The following LRBA variants were observed in gnomAD, a reference collection of about 807,000 sequenced individuals.
The protein encoded by LRBA is LPS responsive beige-like anchor protein, also known as lipopolysaccharide-responsive and beige-like anchor protein.
LRBA carries 176 observed loss-of-function variants against 330.0 expected under a neutral mutation model. The observed-to-expected ratio is 0.53, with a 90% CI of 0.47 to 0.60. The LOEUF is 0.60. LRBA is among the 20% of genes least tolerant of loss of function. The pLI is 0.00. For synonymous variants in LRBA, 1,230 were observed against 1,193.0 expected (o/e 1.03, Z -0.64); for missense variants, 3,259 against 3,444.8 (o/e 0.95, Z 1.35).
chr4:150,489,025 AATAT>A (rs1169167207), intron 41 of LRBA, among the ~76,000 whole-genome samples: 1 of 115,040 alleles, frequency 8.7e-6, no homozygotes, highest in Non-Finnish European at 1.7e-5. Flanking sequence ...TATATATAAG[AATAT>A]ATATTATATA....
chr4:150,471,790 A>T (rs942542773), intron 42 of LRBA, 51 bp from the exon 43 acceptor site: 1 of 850,820 alleles, frequency 1.2e-6, no homozygotes, highest in Non-Finnish European at 2.0e-6. Flanking sequence ...CACAATAATA[A>T]ATCATGAATT....
At chr4:150,650,383 CA>C (rs751224410) in intron 37 of LRBA, among the ~76,000 whole-genome samples, 2 of 152,094 alleles carry the variant, frequency 1.3e-5, no homozygotes, top group Non-Finnish European at 2.9e-5. Context: ...ACCAAGAAAA[CA>C]TTCTATTTTT....
At chr4:150,337,747 C>T (rs111620234) in intron 48 of LRBA, among the ~76,000 whole-genome samples, 1,564 of 152,150 alleles carry the variant, frequency 0.01, 23 homozygotes, top group African/African-American at 0.036. Context: ...TACTATATTG[C>T]TACAACCACT....
intron 52 of LRBA, among the ~76,000 whole-genome samples, chr4:150,306,105 C>T (rs1730320261): frequency 6.6e-6 from 1 of 152,162 alleles, no homozygotes; most frequent in Non-Finnish European, 1.5e-5. Context: ...AAGCTCAGGA[C>T]TCTGCACCAC....
chr4:150,867,571 T>C (rs1267623276), intron 22 of LRBA, 100 bp downstream of exon 22: 3 of 898,812 alleles, frequency 3.3e-6, no homozygotes, highest in East Asian at 3.0e-5. Flanking sequence ...ATAACTTGCC[T>C]TTTTTCCTTG....
chr4:150,619,760 A>G (rs925718016), intron 37 of LRBA, among the ~76,000 whole-genome samples: 2 of 152,180 alleles, frequency 1.3e-5, no homozygotes, highest in Non-Finnish European at 1.5e-5. Flanking sequence ...CACAAGAAGA[A>G]GCAACTAGTA....
intron 2 of LRBA, among the ~76,000 whole-genome samples, chr4:150,990,641 T>G (rs536829978): frequency 6.6e-6 from 1 of 151,696 alleles, no homozygotes; most frequent in East Asian, 1.9e-4. Context: ...GAGGCTGAGG[T>G]TGGAGGATCA....
Position 150,906,277 on chromosome 4 carries a change from TA to T in LRBA, c.1602+19del. 1.4e-6 allele frequency: 2 copies of T among 1,442,676 alleles called. No homozygotes were observed. The highest frequency in any genetic ancestry group is 1.9e-6 in the Non-Finnish European group (2 of 1,033,028). The allele number at this position is 1,442,676 out of a possible 1,614,324, so 89.4% of individuals were successfully genotyped here. A position where few individuals can be genotyped will look rare whatever the true frequency, so the allele number is the denominator to read the frequency against. On this transcript the variant is annotated intron_variant, in intron 12 of 56. Coordinates refer to ENST00000651943, the MANE Select transcript of LRBA (RefSeq NM_001364905.1). ...GCCTGTAAATTAAGAATCAAAAACA[TA>T]AAATATTTCATACTTTACCTTTTCA...
intron 22 of LRBA, among the ~76,000 whole-genome samples, chr4:150,853,228 C>T (rs1750823242): frequency 6.6e-6 from 1 of 152,138 alleles, no homozygotes. Flanking sequence ...AAAGGATACA[C>T]TATTCTACTG....
intron 2 of LRBA, among the ~76,000 whole-genome samples, chr4:151,000,534 T>G (rs1040391729): frequency 1.3e-5 from 2 of 152,190 alleles, no homozygotes; most frequent in African/African-American, 4.8e-5. Flanking sequence ...ACAGTCAATC[T>G]GATCGTGGAG....
rs1209251306 is a variant in LRBA at position 150,797,987 on chromosome 4, C to CA, written c.5580+93_5580+94insT. The CA allele has an allele frequency of 6.5e-6, 5 of 773,516 alleles. No individual in the cohort carries two copies. The Admixed American group carries it at 1.1e-4, about 18-fold the overall frequency. 47.9% of individuals were successfully genotyped at this position (773,516 alleles called of 1,614,324 possible). On this transcript the variant is annotated intron_variant, in intron 34 of 56. Transcript: ENST00000651943. ...ACAGCAAACTCACAATTTTATTATA[C>CA]CAAAAATTTCAGTAATGCAAATATA...
intron 37 of LRBA, among the ~76,000 whole-genome samples, chr4:150,647,726 T>C (rs999907772): frequency 9.9e-5 from 15 of 151,978 alleles, no homozygotes; most frequent in African/African-American, 3.4e-4. Flanking sequence ...CAACTCAAAG[T>C]TCCTTAAAGA....
intron 17 of LRBA, among the ~76,000 whole-genome samples, chr4:150,881,645 A>G (rs939447201): frequency 5.3e-5 from 8 of 152,220 alleles, no homozygotes; most frequent in Non-Finnish European, 1.2e-4. Context: ...ACAAACCTGC[A>G]CATGTACCCC....
chr4:150,893,672 T>A (rs1729741601), intron 16 of LRBA, among the ~76,000 whole-genome samples: 1 of 151,360 alleles, frequency 6.6e-6, no homozygotes, highest in Non-Finnish European at 1.5e-5. Flanking sequence ...TTTGTTTTTT[T>A]GTTTTTTGTT....
chr4:150,803,075 A>AT (rs1553964880), intron 33 of LRBA, among the ~76,000 whole-genome samples: 48,013 of 129,618 alleles, frequency 0.37, 10,033 homozygotes, highest in Non-Finnish European at 0.48. Flanking sequence ...ACAAAAAAAA[A>AT]ATATATATAC....
At chr4:150,396,540 C>G (rs1200769773) in intron 47 of LRBA, among the ~76,000 whole-genome samples, 1 of 150,590 alleles carries the variant, frequency 6.6e-6, no homozygotes, top group African/African-American at 2.4e-5. Flanking sequence ...TATCACTTAT[C>G]CTGGCATCCC....
chr4:150,802,077 G>C (rs1281036042), intron 33 of LRBA, among the ~76,000 whole-genome samples: 1 of 149,294 alleles, frequency 6.7e-6, no homozygotes. Flanking sequence ...AACATTAGAC[G>C]AGCATGGTGA....
chr4:150,302,876 C>T (rs1005741363), intron 52 of LRBA, 84 bp from the exon 53 acceptor site: 20 of 950,964 alleles, frequency 2.1e-5, no homozygotes, highest in Non-Finnish European at 2.4e-5. Context: ...AACAACGAAG[C>T]TATATGAACT....
At chr4:150,742,957 T>G (rs1409176844) in intron 35 of LRBA, among the ~76,000 whole-genome samples, 2 of 151,986 alleles carry the variant, frequency 1.3e-5, no homozygotes, top group Non-Finnish European at 2.9e-5. Flanking sequence ...TCCAAAGCAA[T>G]TGTCACAAAA....
Sources: allele counts gnomAD v4.1 joint callset (sites outside exome capture counted in the v4.1 genomes callset), GRCh38; gene constraint gnomAD v4.1.1; transcripts MANE v1.5; gene names NCBI Gene and HGNC (gene_info 2026-07-23, HGNC 2026-07-21).